The following TMF1 variants were observed in gnomAD, a reference collection of about 807,000 sequenced individuals.
The protein encoded by TMF1 is TATA element modulatory factor 1, also known as TATA element modulatory factor.
TMF1 carries 71 observed loss-of-function variants against 126.5 expected under a neutral mutation model. That is an observed-to-expected ratio of 0.56 (90% CI 0.46 to 0.68). TMF1 has a LOEUF of 0.68. Ranked by LOEUF, TMF1 falls within the 30% of genes least tolerant of loss-of-function variation. The probability of loss-of-function intolerance (pLI) is 0.00; values close to 1 mark genes in which losing one functional copy is unlikely to be tolerated. For missense variants in TMF1, 1,259 were observed against 1,253.2 expected (o/e 1.00, Z -0.07); for synonymous variants, 461 against 430.5 (o/e 1.07, Z -0.88).
chr3:69,048,132 A>G lies in TMF1; in HGVS notation c.573T>C (p.Thr191=), dbSNP rs1267510812. ...VNKESDMKVP[T]VSLKVSESVI... ...CACTTTCAGATACTTTCAAACTTAC[A>G]GTTGGCACCTTCATATCCGATTCTT... The change falls in exon 2 of 17, where the codon ACT becomes ACC. Residue 191 remains threonine, a synonymous_variant. Transcript: ENST00000398559. 4 of 1,614,080 alleles carry G rather than the reference A, an allele frequency of 2.5e-6. No homozygotes were observed. Among genetic ancestry groups the G allele is most frequent in the Non-Finnish European group, 3.4e-6 (4 of 1,180,038 alleles).
rs900653097 is a variant in TMF1, at chr3:69,034,923, A to G, written c.2244+100T>C. 2.8e-5 allele frequency: 30 copies of G among 1,077,932 alleles called. 1 individual carries two copies. Among genetic ancestry groups the G allele is most frequent in the Middle Eastern group, 2.1e-4 (1 of 4,824 alleles). 66.8% of individuals were successfully genotyped at this position (1,077,932 alleles called of 1,614,324 possible). On this transcript the variant is annotated intron_variant, in intron 9 of 16. Coordinates refer to ENST00000398559, the MANE Select transcript of TMF1 (RefSeq NM_007114.3). The stretch of plus-strand genomic sequence containing the variant: ...TCAGCAAATGCTAGGTGTGACAGTA[A>G]TCCTCTCAATTCCATGAACACTATC...
intron 10 of TMF1, among the ~76,000 whole-genome samples, chr3:69,031,218 A>C (rs2091800293): frequency 6.6e-6 from 1 of 152,226 alleles, no homozygotes; most frequent in Admixed American, 6.5e-5. Context: ...AGGACAGATT[A>C]GTGATTGCCA....
At position 69,023,264 on chromosome 3, in the gene TMF1, C is replaced by T. The variant is rs2091749628; in HGVS notation, c.3195G>A (p.Glu1065=). The T allele has an allele frequency of 6.2e-7, 1 of 1,612,008 alleles. No individual in the cohort carries two copies. Residue 1065 remains glutamate (E), a synonymous_variant, in exon 17 of 17, where the codon GAG becomes GAA. Transcript: ENST00000398559. ...ILQMYGEKAE[E]AEELRLDLED... is the part of the protein sequence containing the mutation. ...CGAGATCTAATCGAAGTTCTTCTGC[C>T]TCTTCTGCTTTTTCTCCATACATCT...
chr3:69,030,457 A>G (rs2091793888), intron 10 of TMF1: 1 of 152,662 alleles, frequency 6.6e-6, no homozygotes, highest in Admixed American at 6.5e-5. Context: ...AAAAAGCAAG[A>G]GCCATAGAAA....
rs1254886947 is a variant in TMF1 at position 69,020,105 on chromosome 3, A to G, written c.*3072T>C. The G allele has an allele frequency of 6.6e-6, 1 of 152,054 alleles. No homozygotes were observed. Among genetic ancestry groups the G allele is most frequent in the Admixed American group, 6.6e-5 (1 of 15,264 alleles). The allele number at this position is 152,054 out of a possible 1,614,324, so 9.4% of individuals were successfully genotyped here. ...CATCTACAGTTTTCTTTTTTCTTCT[A>G]TTTTCTAAATATTATAAATCATATA... On this transcript the variant is annotated 3_prime_UTR_variant, in exon 17 of 17. Coordinates refer to ENST00000398559, the MANE Select transcript of TMF1 (RefSeq NM_007114.3).
Position 69,028,238 on chromosome 3 carries a change from C to A in TMF1, c.2652G>T (p.Thr884=). ...CGAAGAGAAATACCTTTTCTTTCCT[C>A]GTCTCTTCAAGTGTTCTTACATATT... ...KDEYVRTLEE[T]RKEKTLLNSQ... Residue 884 remains threonine (T), a synonymous_variant, in exon 12 of 17, where the codon ACG becomes ACT. Transcript: ENST00000398559. 1.2e-6 allele frequency: 2 copies of A among 1,612,810 alleles called. No individual in the cohort carries two copies. Among genetic ancestry groups the A allele is most frequent in the Non-Finnish European group, 1.7e-6 (2 of 1,179,164 alleles).
rs972674816 is a variant in TMF1, at chr3:69,021,410, C to CA, written c.*1766dup. On this transcript the variant is annotated 3_prime_UTR_variant, in exon 17 of 17. Transcript: ENST00000398559. ...ATTCTGCCCTTGAATATTACACACA[C>CA]AAAAAAATCAAGCTGACAAAAAGCT... 5.2e-5 allele frequency: 8 copies of CA among 152,540 alleles called. No individual in the cohort carries two copies. Among genetic ancestry groups the CA allele is most frequent in the African/African-American group, 1.9e-4 (8 of 41,418 alleles). 9.4% of individuals were successfully genotyped at this position (152,540 alleles called of 1,614,324 possible).
At position 69,050,530 on chromosome 3, in the gene TMF1, G is replaced by A. The variant is rs1329528651; in HGVS notation, c.142+1415C>T. Among the ~76,000 whole-genome samples, 10 of 152,158 alleles carry A rather than the reference G, an allele frequency of 6.6e-5. 1 individual carries two copies. In the South Asian group the frequency reaches 1.7e-3, roughly 25 times the overall value. On this transcript the variant is annotated intron_variant, in intron 1 of 16. Coordinates refer to ENST00000398559, the MANE Select transcript of TMF1 (RefSeq NM_007114.3). ...CTTTATATAATCCCAGGGTTATTTG[G>A]TATCCATCTAAATTATACCATTCTG...
At chr3:69,044,431 G>T in intron 3 of TMF1, 61 bp downstream of exon 3, 3 of 904,928 alleles carry the variant, frequency 3.3e-6, no homozygotes, top group South Asian at 1.8e-5. Context: ...TCTTAAATAT[G>T]TACAAAGTAT....
intron 1 of TMF1, among the ~76,000 whole-genome samples, chr3:69,051,640 G>C (rs1225570837): frequency 6.6e-6 from 1 of 152,080 alleles, no homozygotes; most frequent in East Asian, 1.9e-4. Context: ...GGTTGTGCTT[G>C]GAAGCTGCGT....
chr3:69,036,531 A>G (rs1319455993), intron 8 of TMF1, among the ~76,000 whole-genome samples: 1 of 152,232 alleles, frequency 6.6e-6, no homozygotes, highest in South Asian at 2.1e-4. Flanking sequence ...ATATAGATAC[A>G]TATATTTTCT....
In TMF1 at chr3:69,027,997, TAGAG is replaced by T. The variant is rs1435337201; in HGVS notation, c.2665-9_2665-6del. On this transcript the variant is annotated splice_region_variant and splice_polypyrimidine_tract_variant and intron_variant, in intron 12 of 16. Coordinates refer to ENST00000398559, the MANE Select transcript of TMF1 (RefSeq NM_007114.3). ...TAACTGACTATTCAACAATGTCTAATAGAGAGAAATAAAGTTAGACAATTTCTGT... is the reference window on the plus strand; with the variant it reads ...TAACTGACTATTCAACAATGTCTAATAGAAATAAAGTTAGACAATTTCTGT... The T allele has an allele frequency of 2.7e-6, 4 of 1,498,038 alleles. No homozygotes were observed. Among genetic ancestry groups the T allele is most frequent in the Admixed American group, 1.8e-5 (1 of 56,036 alleles). 92.8% of individuals were successfully genotyped at this position (1,498,038 alleles called of 1,614,324 possible).
intron 4 of TMF1, 61 bp from the exon 5 acceptor site, chr3:69,042,973 C>T (rs1302317252): frequency 8.5e-7 from 1 of 1,172,210 alleles, no homozygotes; most frequent in Non-Finnish European, 1.2e-6. Context: ...GTACAGTTCT[C>T]ATTTCTCCCC....
In TMF1 at chr3:69,052,310, C is replaced by G. The variant is rs1015831137; in HGVS notation, c.-224G>C. ...CATGTGCGCATGCGCTTGCTTCTTC[C>G]ACGTACACAGCAACCAAATCTACGA... is the stretch of plus-strand genomic sequence containing the variant. On this transcript the variant is annotated 5_prime_UTR_variant, in exon 1 of 17. Coordinates refer to ENST00000398559, the MANE Select transcript of TMF1 (RefSeq NM_007114.3). 1 of 402,060 alleles carries G rather than the reference C, an allele frequency of 2.5e-6. No homozygotes were observed. The highest frequency in any genetic ancestry group is 4.5e-6 in the Non-Finnish European group (1 of 222,906). 24.9% of individuals were successfully genotyped at this position (402,060 alleles called of 1,614,324 possible). A position where few individuals can be genotyped will look rare whatever the true frequency, so the allele number is the denominator to read the frequency against.
At chr3:69,028,981 A>C (rs779361749) in intron 11 of TMF1, among the ~76,000 whole-genome samples, 17 of 152,084 alleles carry the variant, frequency 1.1e-4, no homozygotes, top group Non-Finnish European at 1.9e-4. Context: ...CAATCTCAAC[A>C]ATCTACATGA....
rs1314745483 is a variant in TMF1, at chr3:69,030,437, G to A, written c.2402-430C>T. On this transcript the variant is annotated intron_variant, in intron 10 of 16. Coordinates refer to ENST00000398559, the MANE Select transcript of TMF1 (RefSeq NM_007114.3). The stretch of plus-strand genomic sequence containing the variant: ...AGTCTTCAGGATCTAGAACAAGGCA[G>A]ATTTGACACAAAAAGCAAGAGCCAT... 4 of 152,886 alleles carry A rather than the reference G, an allele frequency of 2.6e-5. No homozygotes were observed. The East Asian group carries it at 7.7e-4, about 29-fold the overall frequency. The allele number at this position is 152,886 out of a possible 1,614,324, so 9.5% of individuals were successfully genotyped here.
intron 11 of TMF1, 44 bp downstream of exon 11, chr3:69,029,771 A>G (rs1450733358): frequency 9.1e-6 from 14 of 1,534,168 alleles, no homozygotes; most frequent in Non-Finnish European, 1.1e-5. Flanking sequence ...GTGCTTTAGG[A>G]TGTCACGGAA....
intron 1 of TMF1, among the ~76,000 whole-genome samples, chr3:69,050,842 T>G: frequency 6.6e-6 from 1 of 152,186 alleles, no homozygotes; most frequent in Non-Finnish European, 1.5e-5. Context: ...TTATCCTTTT[T>G]CACACAAAGG....
chr3:69,038,227 C>T (rs2091843290), intron 8 of TMF1, among the ~76,000 whole-genome samples: 3 of 152,196 alleles, frequency 2.0e-5, no homozygotes, highest in Non-Finnish European at 4.4e-5. Flanking sequence ...TGGACTCCCA[C>T]AGATGTTATG....
Sources: allele counts gnomAD v4.1 joint callset (sites outside exome capture counted in the v4.1 genomes callset), GRCh38; gene constraint gnomAD v4.1.1; transcripts MANE v1.5; gene names NCBI Gene and HGNC (gene_info 2026-07-23, HGNC 2026-07-21).